The following CHIC2 variants were observed in gnomAD, a reference collection of about 807,000 sequenced individuals.
CHIC2 encodes cysteine-rich hydrophobic domain-containing protein 2.
A neutral mutation model predicts 25.9 loss-of-function variants in CHIC2; 14 were observed. The ratio of observed to expected loss-of-function variants is 0.54; its 90% CI spans 0.36 to 0.85. The LOEUF (loss-of-function observed/expected upper bound fraction) is 0.85, where lower values mean the gene tolerates loss of function less well. CHIC2 is among the 40% of genes least tolerant of loss of function. CHIC2 has a pLI of 0.01. For synonymous variants in CHIC2, 70 were observed against 72.0 expected, an observed-to-expected ratio of 0.97 and a Z score of 0.14; for missense variants, 146 against 202.0, an observed-to-expected ratio of 0.72 and a Z score of 1.68.
chr4:54,047,579 C>T (rs1716870217), intron 3 of CHIC2, among the ~76,000 whole-genome samples: 1 of 145,150 alleles, frequency 6.9e-6, no homozygotes, highest in African/African-American at 2.6e-5. Flanking sequence ...TATTCTCACT[C>T]ATAGGTGGGA....
chr4:54,069,907 C>A, the CHIC2 span, among the ~76,000 whole-genome samples: 41,567 of 152,034 alleles, frequency 0.27, 6,509 homozygotes, highest in Middle Eastern at 0.39. Context: ...AAACACAGCC[C>A]CTGCCTTTGT....
chr4:54,034,032 T>TA lies in CHIC2; in HGVS notation c.330+14922dup, dbSNP rs537063873. Among the ~76,000 whole-genome samples the TA allele has an allele frequency of 9.6e-3, 1,396 of 144,912 alleles. 14 individuals carry two copies. Among genetic ancestry groups the TA allele is most frequent in the East Asian group, 0.03 (150 of 5,032 alleles). On this transcript the variant is annotated intron_variant, in intron 3 of 5. Transcript: ENST00000263921. ...ATTTTAGAATCAGTCTGTCAATTTC[T>TA]AAAAAAAAAAAGTCCTGCTGGGAAT...
At chr4:54,071,330 C>A in the CHIC2 span, among the ~76,000 whole-genome samples, 1 of 152,206 alleles carries the variant, frequency 6.6e-6, no homozygotes, top group Non-Finnish European at 1.5e-5. Flanking sequence ...ATTAGGGATA[C>A]ACAACCTGTA....
At position 54,045,741 on chromosome 4, in the gene CHIC2, A is replaced by C. The variant is rs938855949; in HGVS notation, c.330+3214T>G. ...AGCATTCCCTTTGAAAACTGGCACAAGACAGGGATGCCCTCTCTCACCACT... is the reference window on the plus strand; with the variant it reads ...AGCATTCCCTTTGAAAACTGGCACACGACAGGGATGCCCTCTCTCACCACT... On this transcript the variant is annotated intron_variant, in intron 3 of 5. Coordinates refer to ENST00000263921, the MANE Select transcript of CHIC2 (RefSeq NM_012110.4). Among the ~76,000 whole-genome samples the C allele has an allele frequency of 6.3e-3, 952 of 152,260 alleles. 4 individuals are homozygous for C. The highest frequency in any genetic ancestry group is 0.021 in the African/African-American group (891 of 41,550).
At chr4:54,010,748 T>G (rs1011046012) in intron 5 of CHIC2, among the ~76,000 whole-genome samples, 2 of 152,120 alleles carry the variant, frequency 1.3e-5, no homozygotes, top group African/African-American at 4.8e-5. Flanking sequence ...TTCTTTAGAC[T>G]TTCTCCTTTT....
At chr4:54,011,282 T>C (rs1715578408) in intron 5 of CHIC2, among the ~76,000 whole-genome samples, 1 of 152,116 alleles carries the variant, frequency 6.6e-6, no homozygotes, top group Non-Finnish European at 1.5e-5. Context: ...TATACCTGGC[T>C]CAAAAATATT....
chr4:54,082,035 A>C, the CHIC2 span, among the ~76,000 whole-genome samples: 1 of 152,258 alleles, frequency 6.6e-6, no homozygotes, highest in Non-Finnish European at 1.5e-5. Flanking sequence ...TGGTCGAAGC[A>C]AAAAGGTTGA....
At chr4:54,077,985 T>A in the CHIC2 span, among the ~76,000 whole-genome samples, 1 of 152,234 alleles carries the variant, frequency 6.6e-6, no homozygotes, top group South Asian at 2.1e-4. Context: ...TGATTTTAGA[T>A]GCTTTAGGAA....
chr4:54,017,387 G>A (rs1467407812), intron 3 of CHIC2, among the ~76,000 whole-genome samples: 2 of 152,108 alleles, frequency 1.3e-5, no homozygotes, highest in Non-Finnish European at 2.9e-5. Context: ...AAAAAAATAA[G>A]TCATCTTTAA....
At chr4:54,057,081 A>T (rs1167504943) in intron 1 of CHIC2, among the ~76,000 whole-genome samples, 2 of 152,198 alleles carry the variant, frequency 1.3e-5, no homozygotes, top group African/African-American at 2.4e-5. Context: ...AGCTAAAATT[A>T]AAAAATAAAC....
chr4:54,046,112 C>T (rs1716776207), intron 3 of CHIC2, among the ~76,000 whole-genome samples: 1 of 151,862 alleles, frequency 6.6e-6, no homozygotes, highest in Non-Finnish European at 1.5e-5. Flanking sequence ...AGGACCTCTT[C>T]AAGGAGAACT....
intron 3 of CHIC2, among the ~76,000 whole-genome samples, chr4:54,046,969 C>T (rs1293763444): frequency 6.6e-6 from 1 of 152,086 alleles, no homozygotes; most frequent in Non-Finnish European, 1.5e-5. Flanking sequence ...GCAAACAACC[C>T]CATCAAAAAG....
At chr4:54,079,973 G>A in the CHIC2 span, among the ~76,000 whole-genome samples, 1 of 151,770 alleles carries the variant, frequency 6.6e-6, no homozygotes, top group Non-Finnish European at 1.5e-5. Flanking sequence ...ACTCCTATAT[G>A]ATCCAGCAAT....
chr4:54,010,025 A>G lies in CHIC2; in HGVS notation c.*70T>C. The G allele has an allele frequency of 9.8e-7, 1 of 1,020,586 alleles. No homozygotes were observed. Among genetic ancestry groups the G allele is most frequent in the Non-Finnish European group, 1.5e-6 (1 of 662,410 alleles). 63.2% of individuals were successfully genotyped at this position (1,020,586 alleles called of 1,614,324 possible). On this transcript the variant is annotated 3_prime_UTR_variant, in exon 6 of 6. Transcript: ENST00000263921. ...GTAGAACCAATGTTATGTCACCACC[A>G]GGAGAGCACCAAGCAAGGCACCATT...
intron 1 of CHIC2, among the ~76,000 whole-genome samples, chr4:54,051,929 C>A (rs1034899301): frequency 6.6e-6 from 1 of 152,176 alleles, no homozygotes; most frequent in Non-Finnish European, 1.5e-5. Context: ...CAAACTACCA[C>A]AATCCAGGCT....
intron 5 of CHIC2, among the ~76,000 whole-genome samples, chr4:54,010,348 C>T (rs1241542220): frequency 2.0e-5 from 3 of 151,952 alleles, no homozygotes; most frequent in Non-Finnish European, 2.9e-5. Flanking sequence ...TTACCAAATA[C>T]ACGAAATACC....
At chr4:54,041,365 C>CT (rs1716573079) in intron 3 of CHIC2, among the ~76,000 whole-genome samples, 1 of 151,944 alleles carries the variant, frequency 6.6e-6, no homozygotes, top group Non-Finnish European at 1.5e-5. Context: ...TCATGCCTCT[C>CT]GATCGAGGGT....
At chr4:54,083,933 TA>T in the CHIC2 span, among the ~76,000 whole-genome samples, 1 of 152,158 alleles carries the variant, frequency 6.6e-6, no homozygotes, top group Non-Finnish European at 1.5e-5. Flanking sequence ...GCATGCAGCT[TA>T]ATGCATATCC....
the CHIC2 span, among the ~76,000 whole-genome samples, chr4:54,091,695 A>T: frequency 6.6e-6 from 1 of 152,210 alleles, no homozygotes. Flanking sequence ...GAAATAATTT[A>T]AAAATAAAAA....
Sources: gnomAD v4.1 joint callset for allele counts (sites outside exome capture counted in the v4.1 genomes callset) on GRCh38, gnomAD v4.1.1 for gene constraint, MANE v1.5 for transcripts, NCBI Gene and HGNC (gene_info 2026-07-23, HGNC 2026-07-21) for gene names.